Variants in PARD3B observed in about 807,000 individuals in gnomAD.
The protein encoded by PARD3B is par-3 family cell polarity regulator beta, also known as partitioning defective 3 homolog B.
PARD3B carries 103 observed loss-of-function variants against 130.2 expected under a neutral mutation model. The observed-to-expected ratio is 0.79, with a 90% confidence interval of 0.67 to 0.93. The LOEUF (loss-of-function observed/expected upper bound fraction) is 0.93. Among genes scored for constraint, PARD3B ranks in the 40% least tolerant of loss-of-function variants. The pLI is 0.00. For synonymous variants in PARD3B, 583 were observed against 553.2 expected, an observed-to-expected ratio of 1.05 and a Z score of -0.76; for missense variants, 1,609 against 1,499.2, an observed-to-expected ratio of 1.07 and a Z score of -1.21.
chr2:205,305,854 A>G (rs1465101017), intron 18 of PARD3B, among the ~76,000 whole-genome samples: 3 of 152,358 alleles, frequency 2.0e-5, no homozygotes, highest in Non-Finnish European at 4.4e-5. Context: ...AATAAATGTT[A>G]ATTATTATAG....
intron 11 of PARD3B, among the ~76,000 whole-genome samples, chr2:205,164,297 A>C (rs531553694): frequency 6.6e-6 from 1 of 152,340 alleles, no homozygotes; most frequent in South Asian, 2.1e-4. Flanking sequence ...AATGTAATAT[A>C]ACATTACTTT....
intron 2 of PARD3B, among the ~76,000 whole-genome samples, chr2:204,807,808 G>A (rs1005807172): frequency 2.6e-5 from 4 of 151,896 alleles, no homozygotes; most frequent in African/African-American, 7.3e-5. Context: ...TATGGAGATT[G>A]AGAGTACAAT....
At chr2:205,506,334 AAAAAAC>A (rs5837975) in intron 21 of PARD3B, among the ~76,000 whole-genome samples, 71,892 of 151,002 alleles carry the variant, frequency 0.48, 17,404 homozygotes, top group Admixed American at 0.56. Flanking sequence ...TCTGTCTCAA[AAAAAAC>A]AAAAACAAAA....
At chr2:205,202,665 C>G (rs2037057831) in intron 15 of PARD3B, among the ~76,000 whole-genome samples, 1 of 152,092 alleles carries the variant, frequency 6.6e-6, no homozygotes, top group African/African-American at 2.4e-5. Context: ...CTCAAATGCC[C>G]CCATCTGAAA....
intron 15 of PARD3B, among the ~76,000 whole-genome samples, chr2:205,200,223 C>T (rs1015318486): frequency 6.6e-6 from 1 of 152,126 alleles, no homozygotes; most frequent in African/African-American, 2.4e-5. Flanking sequence ...GTCTCATTGT[C>T]ACCTTGGAGA....
At chr2:205,431,239 G>A (rs1032790442) in intron 19 of PARD3B, among the ~76,000 whole-genome samples, 4 of 152,114 alleles carry the variant, frequency 2.6e-5, no homozygotes, top group Non-Finnish European at 1.5e-5. Context: ...ACCACACCCT[G>A]CTAATTGTTG....
Position 205,121,020 on chromosome 2 carries a change from A to G in PARD3B, c.807-571A>G, listed in dbSNP as rs893506045. Among the ~76,000 whole-genome samples, 1 of 152,186 alleles carries G rather than the reference A, an allele frequency of 6.6e-6. No individual in the cohort carries two copies. The highest frequency in any genetic ancestry group is 1.5e-5 in the Non-Finnish European group (1 of 68,036). On this transcript the variant is annotated intron_variant, in intron 7 of 22. Coordinates refer to ENST00000406610, the MANE Select transcript of PARD3B (RefSeq NM_001302769.2). The surrounding 1 kb of genome is among the most constrained non-coding windows in gnomAD (Gnocchi z 5.0). ...GAGTAACAGGAAGGGTGCATGTTGGATTGAAATTCCACTGAGACATTTTGG... is the reference window on the plus strand; with the variant it reads ...GAGTAACAGGAAGGGTGCATGTTGGGTTGAAATTCCACTGAGACATTTTGG...
intron 1 of PARD3B, among the ~76,000 whole-genome samples, chr2:204,550,725 TCCCAGA>T (rs1319362940): frequency 6.6e-6 from 1 of 152,218 alleles, no homozygotes; most frequent in African/African-American, 2.4e-5. Flanking sequence ...TGAGGCAGCT[TCCCAGA>T]ACTGGGAGTA....
At chr2:205,415,086 A>T (rs940877625) in intron 19 of PARD3B, among the ~76,000 whole-genome samples, 2 of 152,180 alleles carry the variant, frequency 1.3e-5, no homozygotes, top group African/African-American at 4.8e-5. Flanking sequence ...TGTAATGGTC[A>T]CATAAATGAA....
chr2:204,625,549 C>T (rs1234637559), intron 1 of PARD3B, among the ~76,000 whole-genome samples: 2 of 152,300 alleles, frequency 1.3e-5, no homozygotes, highest in East Asian at 3.9e-4. Context: ...AAATACATGA[C>T]ATTGGTACCC....
At chr2:204,891,408 C>T (rs932141168) in intron 2 of PARD3B, among the ~76,000 whole-genome samples, 8 of 152,014 alleles carry the variant, frequency 5.3e-5, no homozygotes, top group African/African-American at 1.4e-4. Flanking sequence ...TTGTATGCTG[C>T]GTGCAAGGTC....
intron 18 of PARD3B, among the ~76,000 whole-genome samples, chr2:205,335,627 A>G (rs1026330120): frequency 7.4e-6 from 1 of 134,976 alleles, no homozygotes; most frequent in African/African-American, 2.5e-5. Flanking sequence ...TGATAAAGAC[A>G]TACACAAGAC....
chr2:204,946,490 A>T (rs1689331137), intron 2 of PARD3B, among the ~76,000 whole-genome samples: 1 of 152,108 alleles, frequency 6.6e-6, no homozygotes, highest in Non-Finnish European at 1.5e-5. Flanking sequence ...TAGCCTGCAG[A>T]TTCCATCATT....
intron 2 of PARD3B, among the ~76,000 whole-genome samples, chr2:204,873,404 G>A (rs955099223): frequency 6.6e-6 from 1 of 152,140 alleles, no homozygotes; most frequent in African/African-American, 2.4e-5. Flanking sequence ...TTTAGACTCG[G>A]TTGTCTGATT....
intron 2 of PARD3B, among the ~76,000 whole-genome samples, chr2:204,823,252 A>G (rs2043435514): frequency 6.6e-6 from 1 of 152,118 alleles, no homozygotes; most frequent in African/African-American, 2.4e-5. Flanking sequence ...ATGGACTGCC[A>G]CTTATTATTT....
chr2:204,750,401 C>T (rs577175347), intron 2 of PARD3B, among the ~76,000 whole-genome samples: 3 of 152,230 alleles, frequency 2.0e-5, no homozygotes, highest in Non-Finnish European at 2.9e-5. Flanking sequence ...CTGGGCAACA[C>T]GACAAAACCC....
intron 14 of PARD3B, among the ~76,000 whole-genome samples, chr2:205,190,040 G>A (rs752110320): frequency 1.3e-5 from 2 of 152,164 alleles, no homozygotes; most frequent in Non-Finnish European, 2.9e-5. Flanking sequence ...TATGTACAGT[G>A]CAGCCTTTTA....
intron 2 of PARD3B, among the ~76,000 whole-genome samples, chr2:204,964,599 A>G (rs568035860): frequency 6.6e-6 from 1 of 152,274 alleles, no homozygotes; most frequent in African/African-American, 2.4e-5. Flanking sequence ...AAAATGGGAT[A>G]CCTATTTATG....
intron 2 of PARD3B, among the ~76,000 whole-genome samples, chr2:204,866,905 C>T (rs1178715724): frequency 6.6e-6 from 1 of 151,844 alleles, no homozygotes; most frequent in Non-Finnish European, 1.5e-5. Flanking sequence ...CCCGTCTCTA[C>T]TAAAAATACA....
Sources: allele counts gnomAD v4.1 joint callset (sites outside exome capture counted in the v4.1 genomes callset), GRCh38; gene constraint gnomAD v4.1.1; non-coding constraint Gnocchi (gnomAD v3.1); transcripts MANE v1.5; gene names NCBI Gene and HGNC (gene_info 2026-07-23, HGNC 2026-07-21).